The following FSTL4 variants were observed in gnomAD, a reference collection of about 807,000 sequenced individuals.
FSTL4 encodes the protein follistatin-related protein 4.
Under a neutral mutation model 78.2 loss-of-function variants are expected in FSTL4, and 28 were observed. The observed-to-expected ratio is 0.36, with a 90% CI of 0.27 to 0.49. The LOEUF is 0.49. Ranked by LOEUF, FSTL4 falls within the 20% of genes least tolerant of loss-of-function variation. FSTL4 has a pLI of 0.98. For missense variants in FSTL4, 922 were observed against 1,084.9 expected (o/e 0.85, Z 2.11); for synonymous variants, 422 against 440.5 (o/e 0.96, Z 0.53).
chr5:133,657,752 GCTTA>G, the FSTL4 span, among the ~76,000 whole-genome samples: 8 of 145,256 alleles, frequency 5.5e-5, no homozygotes, highest in African/African-American at 2.0e-4. Context: ...TGTAAATCTA[GCTTA>G]CTGTTTTTTG....
chr5:133,590,073 A>G (rs1760591721), intron 2 of FSTL4, among the ~76,000 whole-genome samples: 1 of 149,462 alleles, frequency 6.7e-6, no homozygotes, highest in African/African-American at 2.5e-5. Flanking sequence ...AGGAATGAGA[A>G]TTCCTATTGG....
intron 3 of FSTL4, among the ~76,000 whole-genome samples, chr5:133,492,232 T>C (rs1758280456): frequency 6.6e-6 from 1 of 152,216 alleles, no homozygotes; most frequent in East Asian, 1.9e-4. Context: ...TTTCATATTT[T>C]AAATGACCCC....
the FSTL4 span, among the ~76,000 whole-genome samples, chr5:133,702,197 C>T: frequency 6.6e-6 from 1 of 152,212 alleles, no homozygotes; most frequent in Non-Finnish European, 1.5e-5. Flanking sequence ...TTCAATTATG[C>T]AAATGTCATC....
chr5:133,791,003 C>T, the FSTL4 span, among the ~76,000 whole-genome samples: 2 of 152,202 alleles, frequency 1.3e-5, no homozygotes, highest in African/African-American at 4.8e-5. Context: ...CTATACTGGC[C>T]TGCCAGGCCC....
chr5:133,634,023 G>A, the FSTL4 span, among the ~76,000 whole-genome samples: 1 of 152,032 alleles, frequency 6.6e-6, no homozygotes, highest in Non-Finnish European at 1.5e-5. Context: ...GTGGGAGAGT[G>A]GCCTTGTTAC....
intron 4 of FSTL4, among the ~76,000 whole-genome samples, chr5:133,368,618 A>C (rs1157770794): frequency 1.3e-5 from 2 of 152,230 alleles, no homozygotes. Flanking sequence ...CAACAGGAAG[A>C]GCCTGGGAGA....
the FSTL4 span, among the ~76,000 whole-genome samples, chr5:133,725,445 G>A: frequency 5.3e-5 from 8 of 152,204 alleles, no homozygotes; most frequent in Non-Finnish European, 8.8e-5. Flanking sequence ...TTCTCCACGA[G>A]CCACCCACTC....
intron 7 of FSTL4, chr5:133,244,784 G>A (rs1751984246): frequency 1.3e-5 from 2 of 152,338 alleles, no homozygotes; most frequent in South Asian, 4.2e-4. Flanking sequence ...GTCCTTAGGA[G>A]ACATACCAGG....
chr5:133,680,192 A>G, the FSTL4 span, among the ~76,000 whole-genome samples: 1 of 152,150 alleles, frequency 6.6e-6, no homozygotes, highest in African/African-American at 2.4e-5. Context: ...TCATTAATTC[A>G]TACTTTCATT....
chr5:133,200,218 T>C (rs1344307811), intron 15 of FSTL4, among the ~76,000 whole-genome samples: 1 of 152,212 alleles, frequency 6.6e-6, no homozygotes, highest in East Asian at 1.9e-4. Flanking sequence ...GTTACAAAGA[T>C]AAGAAAAGAG....
At chr5:133,676,480 A>T in the FSTL4 span, among the ~76,000 whole-genome samples, 1 of 152,188 alleles carries the variant, frequency 6.6e-6, no homozygotes, top group Non-Finnish European at 1.5e-5. Context: ...TTCTCCAAAA[A>T]TCCTTTGAAA....
rs1756812478 is a variant in FSTL4 at position 133,426,267 on chromosome 5, G to A, written c.161-25281C>T. 6.6e-6 allele frequency among the ~76,000 whole-genome samples: 1 copy of A among 152,196 alleles called. No individual in the cohort carries two copies. The highest frequency in any genetic ancestry group is 1.9e-4 in the East Asian group (1 of 5,188). The stretch of plus-strand genomic sequence containing the variant: ...GTCTTTGCCATGAAGGGAGGACACA[G>A]GGAGCAAAGGATAGCCGGGAGTCTG... On this transcript the variant is annotated intron_variant, in intron 3 of 15. Coordinates refer to ENST00000265342, the MANE Select transcript of FSTL4 (RefSeq NM_015082.2). This position sits in a 1 kb window ranked among gnomAD's most constrained non-coding sequence, Gnocchi z 5.0.
chr5:133,439,494 CGCTAAAAAGAAACA>C (rs1266830435), intron 3 of FSTL4, among the ~76,000 whole-genome samples: 1 of 152,088 alleles, frequency 6.6e-6, no homozygotes, highest in Non-Finnish European at 1.5e-5. Flanking sequence ...TCCTTTCTAC[CGCTAAAAAGAAACA>C]GCTCTGGAGG....
At chr5:133,283,239 CGTGTGTGT>C (rs112657706) in intron 6 of FSTL4, among the ~76,000 whole-genome samples, 4 of 148,796 alleles carry the variant, frequency 2.7e-5, no homozygotes, top group South Asian at 4.3e-4. Flanking sequence ...TTAAGCCTAG[CGTGTGTGT>C]GTGTGTGTGT....
intron 3 of FSTL4, among the ~76,000 whole-genome samples, chr5:133,489,695 C>T (rs948846766): frequency 1.8e-4 from 28 of 152,172 alleles, no homozygotes; most frequent in Non-Finnish European, 4.0e-4. Context: ...CATAGTATGT[C>T]ACCCCCAAAA....
chr5:133,673,527 G>A, the FSTL4 span, among the ~76,000 whole-genome samples: 1 of 152,196 alleles, frequency 6.6e-6, no homozygotes, highest in South Asian at 2.1e-4. Context: ...AACCAAGATT[G>A]CCTAATTAAC....
At chr5:133,610,545 G>A (rs1157116386) in intron 1 of FSTL4, among the ~76,000 whole-genome samples, 1 of 152,214 alleles carries the variant, frequency 6.6e-6, no homozygotes, top group African/African-American at 2.4e-5. Context: ...CGCTAAGATG[G>A]GAAGCAGACA....
chr5:133,760,917 A>G, the FSTL4 span, among the ~76,000 whole-genome samples: 8 of 152,192 alleles, frequency 5.3e-5, no homozygotes, highest in African/African-American at 1.9e-4. Flanking sequence ...ACACCATAAA[A>G]TGGAGAACAG....
At chr5:133,381,890 T>C (rs1466387797) in intron 4 of FSTL4, among the ~76,000 whole-genome samples, 1 of 152,210 alleles carries the variant, frequency 6.6e-6, no homozygotes. Context: ...AGGAGGAACA[T>C]GAGGAAGCAG....
Sources: gnomAD v4.1 joint callset for allele counts (sites outside exome capture counted in the v4.1 genomes callset) on GRCh38, gnomAD v4.1.1 for gene constraint, Gnocchi (gnomAD v3.1) non-coding constraint, MANE v1.5 for transcripts, NCBI Gene and HGNC (gene_info 2026-07-23, HGNC 2026-07-21) for gene names.